OPHN1: variants seen among roughly 807,000 people sequenced by gnomAD.
The protein encoded by OPHN1 is oligophrenin-1.
Under a neutral mutation model 60.7 loss-of-function variants are expected in OPHN1, and 11 were observed. The ratio of observed to expected loss-of-function variants is 0.18; its 90% CI spans 0.11 to 0.30. The LOEUF is 0.30. Ranked by LOEUF, OPHN1 falls within the 10% of genes least tolerant of loss-of-function variation. The probability of loss-of-function intolerance (pLI) is 1.00; values close to 1 mark genes in which losing one functional copy is unlikely to be tolerated. For missense variants in OPHN1, 449 were observed against 611.0 expected, an observed-to-expected ratio of 0.73 and a Z score of 2.80; for synonymous variants, 226 against 222.6, an observed-to-expected ratio of 1.02 and a Z score of -0.14.
chrX:68,050,612 T>C (rs1204954220), intron 23 of OPHN1, among the ~76,000 whole-genome samples: 1 of 112,251 alleles, frequency 8.9e-6, no homozygotes, highest in Non-Finnish European at 1.9e-5. Flanking sequence ...AATGCCTTGG[T>C]TTCCTGTCCA....
At chrX:68,261,263 C>T (rs891763714) in intron 5 of OPHN1, among the ~76,000 whole-genome samples, 4 of 111,567 alleles carry the variant, frequency 3.6e-5, no homozygotes, top group Non-Finnish European at 7.5e-5. Context: ...GAACTGAAAA[C>T]ATCATACTGT....
intron 6 of OPHN1, among the ~76,000 whole-genome samples, chrX:68,217,472 G>A (rs2077618948): frequency 1.8e-5 from 2 of 111,938 alleles, no homozygotes; most frequent in South Asian, 7.5e-4. Context: ...CATCTCTGGG[G>A]GCAGGGCACA....
chrX:68,152,210 CCT>C (rs767984358), intron 15 of OPHN1, among the ~76,000 whole-genome samples: 20 of 110,995 alleles, frequency 1.8e-4, no homozygotes, highest in Non-Finnish European at 2.8e-4. Context: ...CCATATCACC[CCT>C]CTCAGCAGGT....
At chrX:68,374,228 C>T (rs978227410) in intron 2 of OPHN1, among the ~76,000 whole-genome samples, 7 of 109,011 alleles carry the variant, frequency 6.4e-5, no homozygotes, top group South Asian at 4.1e-4. Flanking sequence ...TGGTGCCGCA[C>T]GCATGTAGTC....
chrX:68,427,392 G>A (rs192945684), intron 2 of OPHN1, among the ~76,000 whole-genome samples: 2 of 111,436 alleles, frequency 1.8e-5, no homozygotes, highest in African/African-American at 6.5e-5. Context: ...CTGTAATTGG[G>A]TTAGTCATTC....
chrX:68,317,539 AAAAGAAAGAAAGAAAGAAAG>A (rs762679584), intron 2 of OPHN1, among the ~76,000 whole-genome samples: 1 of 58,951 alleles, frequency 1.7e-5, no homozygotes, highest in Non-Finnish European at 2.7e-5. Context: ...AAGAAAGAAA[AAAAGAAAGAAAGAAAGAAAG>A]AAAGAAAGAA....
intron 6 of OPHN1, among the ~76,000 whole-genome samples, chrX:68,229,726 C>G (rs1290703223): frequency 8.9e-6 from 1 of 112,328 alleles, no homozygotes; most frequent in African/African-American, 3.2e-5. Context: ...AAAGCTGAAA[C>G]TGGATCCCTT....
chrX:68,115,788 A>G (rs1463131293), intron 16 of OPHN1, among the ~76,000 whole-genome samples: 1 of 111,902 alleles, frequency 8.9e-6, no homozygotes, highest in Non-Finnish European at 1.9e-5. Flanking sequence ...ACTGTGTACA[A>G]TATTTTAAGA....
intron 19 of OPHN1, among the ~76,000 whole-genome samples, chrX:68,083,233 C>T (rs867520189): frequency 1.4e-3 from 145 of 103,094 alleles, no homozygotes; most frequent in Non-Finnish European, 2.1e-3. Context: ...CCACTGCGCC[C>T]GGCTAATTTT....
intron 16 of OPHN1, among the ~76,000 whole-genome samples, chrX:68,118,498 C>G (rs1171345837): frequency 2.7e-5 from 3 of 111,815 alleles, no homozygotes; most frequent in Non-Finnish European, 5.6e-5. Flanking sequence ...TTTCCCAGAA[C>G]TTATGTATCA....
intron 5 of OPHN1, among the ~76,000 whole-genome samples, chrX:68,268,212 A>G (rs1420136827): frequency 1.8e-5 from 2 of 111,881 alleles, no homozygotes; most frequent in African/African-American, 6.5e-5. Flanking sequence ...GTCAATAAAA[A>G]AGAAGGAATC....
chrX:68,056,588 G>A (rs759973453), intron 21 of OPHN1, among the ~76,000 whole-genome samples: 1 of 111,347 alleles, frequency 9.0e-6, no homozygotes, highest in South Asian at 3.8e-4. Flanking sequence ...CAGCATTGCA[G>A]CAGAAAAAAT....
intron 2 of OPHN1, among the ~76,000 whole-genome samples, chrX:68,382,080 G>T (rs2078599724): frequency 1.8e-5 from 2 of 111,836 alleles, no homozygotes; most frequent in Non-Finnish European, 3.8e-5. Context: ...AGGTGCAATG[G>T]CTCACACCTG....
intron 3 of OPHN1, among the ~76,000 whole-genome samples, chrX:68,294,952 T>C: frequency 8.9e-6 from 1 of 112,240 alleles, no homozygotes; most frequent in East Asian, 2.8e-4. Flanking sequence ...TATAAACCGC[T>C]GTTTCATTTG....
chrX:68,193,886 T>C lies in OPHN1; in HGVS notation c.1201+4A>G. 1 of 1,194,004 alleles carries C rather than the reference T, an allele frequency of 8.4e-7. No homozygotes were observed. Among genetic ancestry groups the C allele is most frequent in the Admixed American group, 2.2e-5 (1 of 45,951 alleles). ...CAATGCCAAGACTATGGTTCAGATC[T>C]TACCTTTGGTCTCAATAATATTGAT... On this transcript the variant is annotated splice_donor_region_variant and intron_variant, in intron 14 of 24. Coordinates refer to ENST00000355520, the MANE Select transcript of OPHN1 (RefSeq NM_002547.3).
At chrX:68,064,439 A>G (rs1212099231) in intron 20 of OPHN1, among the ~76,000 whole-genome samples, 3 of 111,509 alleles carry the variant, frequency 2.7e-5, no homozygotes, top group Non-Finnish European at 3.8e-5. Flanking sequence ...ACAGTAAACC[A>G]AGAGGTTTTA....
chrX:68,338,044 CAG>C (rs1372743355), intron 2 of OPHN1, among the ~76,000 whole-genome samples: 2 of 110,820 alleles, frequency 1.8e-5, no homozygotes, highest in East Asian at 5.7e-4. Flanking sequence ...TTTTTAGAGA[CAG>C]AGTCTCACTG....
At chrX:68,368,295 C>G (rs1309261393) in intron 2 of OPHN1, among the ~76,000 whole-genome samples, 2 of 111,350 alleles carry the variant, frequency 1.8e-5, no homozygotes, top group Non-Finnish European at 3.8e-5. Context: ...CTTTGGGAGA[C>G]CGAGGCAGAA....
At chrX:68,428,607 T>C (rs1431124998) in intron 2 of OPHN1, among the ~76,000 whole-genome samples, 1 of 112,379 alleles carries the variant, frequency 8.9e-6, no homozygotes, top group African/African-American at 3.2e-5. Context: ...ACGGTATGTG[T>C]CCAAGTATGT....
Sources: gnomAD v4.1 joint callset for allele counts (sites outside exome capture counted in the v4.1 genomes callset) on GRCh38, gnomAD v4.1.1 for gene constraint, MANE v1.5 for transcripts, NCBI Gene and HGNC (gene_info 2026-07-23, HGNC 2026-07-21) for gene names.